MDFIC: variants seen among roughly 807,000 people sequenced by gnomAD.
MDFIC encodes MyoD family inhibitor domain containing, also known as myoD family inhibitor domain-containing protein.
MDFIC carries 17 observed loss-of-function variants against 23.2 expected under a neutral mutation model. The ratio of observed to expected loss-of-function variants is 0.73; its 90% CI spans 0.50 to 1.10. The LOEUF is 1.10. MDFIC is among the 50% of genes least tolerant of loss of function. The pLI is 0.00. For synonymous variants in MDFIC, 120 were observed against 115.2 expected, an observed-to-expected ratio of 1.04 and a Z score of -0.27; for missense variants, 356 against 316.6, an observed-to-expected ratio of 1.12 and a Z score of -0.95.
intron 4 of MDFIC, among the ~76,000 whole-genome samples, chr7:114,983,563 C>CTTTTTTTT (rs11388500): frequency 2.3e-5 from 2 of 88,310 alleles, no homozygotes; most frequent in African/African-American, 4.5e-5. Flanking sequence ...TCATCAGGTA[C>CTTTTTTTT]TTTTTTTTTT....
At chr7:115,002,030 G>A (rs779080806) in intron 4 of MDFIC, among the ~76,000 whole-genome samples, 1 of 152,054 alleles carries the variant, frequency 6.6e-6, no homozygotes, top group African/African-American at 2.4e-5. Flanking sequence ...CTAGCTACTT[G>A]GGAGACTGAG....
At chr7:115,013,929 G>A (rs933506357) in intron 4 of MDFIC, 2 of 918,480 alleles carry the variant, frequency 2.2e-6, no homozygotes, top group Non-Finnish European at 2.6e-6. Context: ...AGGGGAAGAC[G>A]GAGAGACCTG....
At chr7:114,972,510 C>G (rs1020439632) in intron 3 of MDFIC, among the ~76,000 whole-genome samples, 1 of 152,138 alleles carries the variant, frequency 6.6e-6, no homozygotes. Context: ...TAATGGTCTT[C>G]AAATGGCAAA....
rs748786092 is a variant in MDFIC, at chr7:114,922,622, CG to C, written c.-116del. The C allele has an allele frequency of 4.7e-6, 6 of 1,280,442 alleles. No individual in the cohort carries two copies. Among genetic ancestry groups the C allele is most frequent in the East Asian group, 3.1e-5 (1 of 32,032 alleles). The allele number at this position is 1,280,442 out of a possible 1,614,324, so 79.3% of individuals were successfully genotyped here. On this transcript the variant is annotated 5_prime_UTR_variant, in exon 1 of 5. Transcript: ENST00000393486. ...AGGAGGAAGGGGCTTGGAGCGACTA[CG>C]GGGGGATGCGGAGGTAGGTAGTGGT...
intron 4 of MDFIC, among the ~76,000 whole-genome samples, chr7:114,997,391 T>C (rs914823330): frequency 1.3e-5 from 2 of 150,152 alleles, no homozygotes; most frequent in African/African-American, 4.9e-5. Flanking sequence ...TGTAGGGGAG[T>C]GTATGTGCAT....
chr7:114,963,925 C>T (rs1218612078), intron 3 of MDFIC, among the ~76,000 whole-genome samples: 1 of 152,118 alleles, frequency 6.6e-6, no homozygotes, highest in Non-Finnish European at 1.5e-5. Context: ...CTTTATTTAA[C>T]TCATCTTAGC....
In MDFIC at chr7:115,016,197, A is replaced by G. The variant is rs1791791825; in HGVS notation, c.*262A>G. 2.6e-6 allele frequency: 1 copy of G among 384,524 alleles called. No individual in the cohort carries two copies. Among genetic ancestry groups the G allele is most frequent in the South Asian group, 3.5e-5 (1 of 28,808 alleles). 23.8% of individuals were successfully genotyped at this position (384,524 alleles called of 1,614,324 possible). A position where few individuals can be genotyped will look rare whatever the true frequency, so the allele number is the denominator to read the frequency against. On this transcript the variant is annotated 3_prime_UTR_variant, in exon 5 of 5. Coordinates refer to ENST00000393486, the MANE Select transcript of MDFIC (RefSeq NM_001166345.3). ...GGACATTTTGACACCCCCCTTCCCA[A>G]ATGTTAAATGCCTTCTCCTTTTTAC...
chr7:114,944,318 C>A (rs1319644877), intron 3 of MDFIC, among the ~76,000 whole-genome samples: 2 of 152,138 alleles, frequency 1.3e-5, no homozygotes, highest in African/African-American at 4.8e-5. Context: ...GATAGCAATG[C>A]CACTCCTGCC....
chr7:114,993,201 C>T (rs1274705906), intron 4 of MDFIC, among the ~76,000 whole-genome samples: 1 of 151,942 alleles, frequency 6.6e-6, no homozygotes, highest in African/African-American at 2.4e-5. Context: ...GGTGATATCC[C>T]CTTTATCATT....
intron 4 of MDFIC, among the ~76,000 whole-genome samples, chr7:115,011,376 A>G (rs1197213968): frequency 6.6e-6 from 1 of 152,234 alleles, no homozygotes; most frequent in African/African-American, 2.4e-5. Context: ...AAAATTGATG[A>G]AAACGTCTCT....
chr7:114,999,005 C>T (rs570833073), intron 4 of MDFIC, among the ~76,000 whole-genome samples: 13 of 152,180 alleles, frequency 8.5e-5, no homozygotes, highest in Non-Finnish European at 1.8e-4. Flanking sequence ...CTCCAAAGTA[C>T]ACCTTCCATA....
chr7:114,974,179 C>G (rs1204419349), intron 3 of MDFIC, among the ~76,000 whole-genome samples: 1 of 152,092 alleles, frequency 6.6e-6, no homozygotes, highest in Non-Finnish European at 1.5e-5. Flanking sequence ...CCTAAATTCA[C>G]ATTATATAGC....
chr7:114,965,576 A>G (rs957308252), intron 3 of MDFIC, among the ~76,000 whole-genome samples: 1 of 152,114 alleles, frequency 6.6e-6, no homozygotes, highest in Admixed American at 6.5e-5. Flanking sequence ...CACAGTTGAC[A>G]TTTGAGAGAT....
intron 2 of MDFIC, among the ~76,000 whole-genome samples, chr7:114,928,614 G>A (rs550844146): frequency 2.6e-5 from 4 of 152,216 alleles, no homozygotes; most frequent in Admixed American, 6.5e-5. Context: ...ATGAAGGGTC[G>A]GAGAACAAGA....
chr7:114,985,492 G>A (rs1003357752), intron 4 of MDFIC, among the ~76,000 whole-genome samples: 2 of 151,890 alleles, frequency 1.3e-5, no homozygotes, highest in Non-Finnish European at 2.9e-5. Flanking sequence ...CTGTGTGTGT[G>A]TGCTCTTCTT....
chr7:114,972,684 A>G (rs537464147), intron 3 of MDFIC, among the ~76,000 whole-genome samples: 1 of 152,152 alleles, frequency 6.6e-6, no homozygotes, highest in South Asian at 2.1e-4. Context: ...GCTGGAGTGC[A>G]GTGGCCTGAT....
intron 2 of MDFIC, chr7:114,923,723 T>C: frequency 8.2e-7 from 1 of 1,218,234 alleles, no homozygotes; most frequent in Non-Finnish European, 1.1e-6. Flanking sequence ...GCCTATAAAA[T>C]ACTCTTGTGT....
intron 4 of MDFIC, among the ~76,000 whole-genome samples, chr7:114,987,488 T>C (rs1793534294): frequency 6.6e-6 from 1 of 152,158 alleles, no homozygotes; most frequent in Admixed American, 6.6e-5. Flanking sequence ...CTTAATTTGC[T>C]TGGATGATGT....
chr7:114,970,832 C>T (rs972835384), intron 3 of MDFIC, among the ~76,000 whole-genome samples: 1 of 152,178 alleles, frequency 6.6e-6, no homozygotes, highest in Admixed American at 6.6e-5. Context: ...AGATCCCTGG[C>T]TACCAAGGCT....
Sources: allele counts gnomAD v4.1 joint callset (sites outside exome capture counted in the v4.1 genomes callset), GRCh38; gene constraint gnomAD v4.1.1; transcripts MANE v1.5; gene names NCBI Gene and HGNC (gene_info 2026-07-23, HGNC 2026-07-21).